EPHA6: variants seen among roughly 807,000 people sequenced by gnomAD.
The protein encoded by EPHA6 is EPH receptor A6.
In EPHA6, 50 loss-of-function variants were observed where a neutral mutation model predicts 112.0. The ratio of observed to expected loss-of-function variants is 0.45; its 90% CI spans 0.36 to 0.56. The LOEUF is 0.56. Ranked by LOEUF, EPHA6 falls within the 20% of genes least tolerant of loss-of-function variation. The pLI, the probability that EPHA6 is intolerant of heterozygous loss-of-function variation, is 0.00. For synonymous variants in EPHA6, 529 were observed against 490.7 expected, an observed-to-expected ratio of 1.08 and a Z score of -1.03; for missense variants, 1,280 against 1,417.4, an observed-to-expected ratio of 0.90 and a Z score of 1.56.
intron 2 of EPHA6, among the ~76,000 whole-genome samples, chr3:96,962,529 A>G (rs1345370507): frequency 6.8e-6 from 1 of 147,970 alleles, no homozygotes; most frequent in Non-Finnish European, 1.5e-5. Flanking sequence ...GCCTAACTAG[A>G]TAACATTCTG....
chr3:97,196,718 G>A (rs1028939026), intron 3 of EPHA6, among the ~76,000 whole-genome samples: 25 of 151,734 alleles, frequency 1.6e-4, no homozygotes, highest in Admixed American at 1.6e-3. Flanking sequence ...CAATAATAGT[G>A]TGACTCTTTC....
chr3:97,215,769 CAT>C (rs972816671), intron 3 of EPHA6, among the ~76,000 whole-genome samples: 15 of 152,066 alleles, frequency 9.9e-5, no homozygotes, highest in Middle Eastern at 3.4e-3. Flanking sequence ...AAATTATAAA[CAT>C]ATTTTGAAAT....
At chr3:97,533,464 A>G (rs1273979006) in intron 11 of EPHA6, among the ~76,000 whole-genome samples, 1 of 152,124 alleles carries the variant, frequency 6.6e-6, no homozygotes, top group African/African-American at 2.4e-5. Flanking sequence ...ACCCAAAATG[A>G]ATAGATTCCT....
intron 5 of EPHA6, among the ~76,000 whole-genome samples, chr3:97,342,417 A>C (rs755892800): frequency 2.0e-5 from 3 of 152,144 alleles, no homozygotes; most frequent in Non-Finnish European, 4.4e-5. Flanking sequence ...CTCCTACCCA[A>C]GCTTAGTCCA....
At chr3:97,412,847 A>G (rs2087825803) in intron 6 of EPHA6, among the ~76,000 whole-genome samples, 1 of 152,056 alleles carries the variant, frequency 6.6e-6, no homozygotes, top group Non-Finnish European at 1.5e-5. Context: ...TTTGGAGGAA[A>G]GAAAATAATA....
intron 14 of EPHA6, among the ~76,000 whole-genome samples, chr3:97,713,001 T>A (rs1457524061): frequency 1.3e-5 from 2 of 151,904 alleles, no homozygotes; most frequent in African/African-American, 2.4e-5. Flanking sequence ...CTATTCTCTA[T>A]GAAAAATACA....
intron 6 of EPHA6, among the ~76,000 whole-genome samples, chr3:97,415,269 C>G (rs1461078692): frequency 6.6e-6 from 1 of 151,906 alleles, no homozygotes; most frequent in Non-Finnish European, 1.5e-5. Flanking sequence ...TTTAACTTGC[C>G]ACATTCTACT....
intron 12 of EPHA6, among the ~76,000 whole-genome samples, chr3:97,607,737 G>A (rs548976529): frequency 4.0e-5 from 6 of 151,174 alleles, no homozygotes; most frequent in East Asian, 1.9e-4. Context: ...TGTGATATGA[G>A]GCAGAAGGGG....
intron 3 of EPHA6, among the ~76,000 whole-genome samples, chr3:97,003,720 A>G (rs1390539714): frequency 1.3e-5 from 2 of 152,138 alleles, no homozygotes; most frequent in African/African-American, 4.8e-5. Context: ...CAGATTTGTT[A>G]CATAGGTATA....
At chr3:97,187,715 AAG>A (rs1491284710) in intron 3 of EPHA6, among the ~76,000 whole-genome samples, 3 of 150,542 alleles carry the variant, frequency 2.0e-5, no homozygotes, top group African/African-American at 4.9e-5. Flanking sequence ...GAAAGAAAGA[AAG>A]AAAGAAAGAA....
At chr3:96,989,096 A>C (rs756779541) in intron 3 of EPHA6, among the ~76,000 whole-genome samples, 16 of 152,226 alleles carry the variant, frequency 1.1e-4, no homozygotes, top group Middle Eastern at 6.8e-3. Flanking sequence ...TTTCTACAGC[A>C]CCAGCTTGAG....
rs917276170 is a variant in EPHA6 at position 97,752,285 on chromosome 3, C to T, written c.*3584C>T. 9 of 222,842 alleles carry T rather than the reference C, an allele frequency of 4.0e-5. No homozygotes were observed. The highest frequency in any genetic ancestry group is 8.9e-5 in the African/African-American group (4 of 44,820). The allele number at this position is 222,842 out of a possible 1,614,324, so 13.8% of individuals were successfully genotyped here. On this transcript the variant is annotated 3_prime_UTR_variant, in exon 18 of 18. Transcript: ENST00000389672. Reference sequence around the variant, plus strand: ...CTCTAAAGAAGCTCTTCAGAAGAGACGGTAAAGAATGAATTCTTTTACTTA... The same window carrying T: ...CTCTAAAGAAGCTCTTCAGAAGAGATGGTAAAGAATGAATTCTTTTACTTA...
At chr3:97,596,309 A>G (rs2093590351) in intron 12 of EPHA6, among the ~76,000 whole-genome samples, 1 of 152,256 alleles carries the variant, frequency 6.6e-6, no homozygotes, top group African/African-American at 2.4e-5. Flanking sequence ...GTGGTTTAGA[A>G]TTTTTTATAT....
chr3:97,443,721 T>C (rs1228155732), intron 6 of EPHA6, among the ~76,000 whole-genome samples: 1 of 152,168 alleles, frequency 6.6e-6, no homozygotes, highest in Non-Finnish European at 1.5e-5. Context: ...TTTAAACATT[T>C]GGTGTTGAGA....
At chr3:97,283,760 A>G (rs1298025662) in intron 5 of EPHA6, among the ~76,000 whole-genome samples, 1 of 152,172 alleles carries the variant, frequency 6.6e-6, no homozygotes, top group Admixed American at 6.5e-5. Context: ...GTATCTCATA[A>G]CTTAAAATAA....
intron 2 of EPHA6, among the ~76,000 whole-genome samples, chr3:96,918,086 C>T (rs2039577601): frequency 1.3e-5 from 2 of 152,150 alleles, no homozygotes; most frequent in African/African-American, 4.8e-5. Flanking sequence ...CCCCATCCCA[C>T]CTTTACAATC....
intron 4 of EPHA6, 137 bp downstream of exon 4, chr3:97,226,556 AG>A (rs1304069808): frequency 1.3e-6 from 1 of 793,934 alleles, no homozygotes; most frequent in African/African-American, 1.7e-5. Flanking sequence ...TCAAGGAAAA[AG>A]CTTCTCTCTC....
Position 96,953,157 on chromosome 3 carries a change from A to G in EPHA6, c.451-34173A>G, listed in dbSNP as rs950102088. On this transcript the variant is annotated intron_variant, in intron 2 of 17. Coordinates refer to ENST00000389672, the MANE Select transcript of EPHA6 (RefSeq NM_001080448.3). ...CTAAGTTAGGTTTTCCATCCTGTAT[A>G]GTATGCTAACCAAGGAGTTTATTTT... Among the ~76,000 whole-genome samples, 4 of 152,176 alleles carry G rather than the reference A, an allele frequency of 2.6e-5. No homozygotes were observed. In the East Asian group the frequency reaches 7.7e-4, roughly 29 times the overall value.
intron 14 of EPHA6, among the ~76,000 whole-genome samples, chr3:97,659,194 A>G (rs1432699820): frequency 6.6e-6 from 1 of 151,950 alleles, no homozygotes; most frequent in Admixed American, 6.6e-5. Context: ...AAAATTTAAG[A>G]TATAATTAGA....
Sources: gnomAD v4.1 joint callset for allele counts (sites outside exome capture counted in the v4.1 genomes callset) on GRCh38, gnomAD v4.1.1 for gene constraint, MANE v1.5 for transcripts, NCBI Gene and HGNC (gene_info 2026-07-23, HGNC 2026-07-21) for gene names.